Variants in ADAM12 observed in about 807,000 individuals in gnomAD.
ADAM12 encodes ADAM metallopeptidase domain 12.
In ADAM12, 70 loss-of-function variants were observed where a neutral mutation model predicts 106.4. The observed-to-expected ratio is 0.66, with a 90% CI of 0.54 to 0.80. The LOEUF (loss-of-function observed/expected upper bound fraction) is 0.80, where lower values mean the gene tolerates loss of function less well. Ranked by LOEUF, ADAM12 falls within the 30% of genes least tolerant of loss-of-function variation. The pLI is 0.00. For missense variants in ADAM12, 1,010 were observed against 1,171.9 expected (o/e 0.86, Z 2.02); for synonymous variants, 420 against 433.5 (o/e 0.97, Z 0.39).
chr10:126,235,508 C>G (rs1347512203), intron 3 of ADAM12, among the ~76,000 whole-genome samples: 1 of 152,170 alleles, frequency 6.6e-6, no homozygotes, highest in Admixed American at 6.5e-5. Context: ...GGCCTTCTGG[C>G]CTTCCTCGAG....
At position 126,338,246 on chromosome 10, in the gene ADAM12, ATTTTTTTTTTT is replaced by A. The variant is rs200317403; in HGVS notation, c.89-7748_89-7738del. ...AAAGTCACTTACAACAGTAACTTAC[ATTTTTTTTTTT>A]TTTTTTTTTTTTTGAGACGGAGTCT... On this transcript the variant is annotated intron_variant, in intron 1 of 22. Transcript: ENST00000448723. Among the ~76,000 whole-genome samples the A allele has an allele frequency of 2.3e-4, 21 of 89,842 alleles. No individual in the cohort carries two copies. The East Asian group carries it at 6.1e-3, about 26-fold the overall frequency. 58.9% of individuals were successfully genotyped at this position (89,842 alleles called of 152,430 possible). A position where few individuals can be genotyped will look rare whatever the true frequency, so the allele number is the denominator to read the frequency against.
At chr10:126,131,586 A>T (rs1380142143) in intron 5 of ADAM12, among the ~76,000 whole-genome samples, 2 of 152,150 alleles carry the variant, frequency 1.3e-5, no homozygotes, top group Non-Finnish European at 2.9e-5. Context: ...TGCCCTTATA[A>T]GGGACACCAG....
chr10:126,343,952 T>G (rs1436028834), intron 1 of ADAM12, among the ~76,000 whole-genome samples: 1 of 152,220 alleles, frequency 6.6e-6, no homozygotes, highest in Non-Finnish European at 1.5e-5. Flanking sequence ...TTGCAAAAAT[T>G]TTCTCCCATT....
chr10:126,220,699 A>T (rs1326159291), intron 3 of ADAM12, among the ~76,000 whole-genome samples: 3 of 152,234 alleles, frequency 2.0e-5, no homozygotes, highest in Admixed American at 6.5e-5. Context: ...TGGGTTCCAA[A>T]GTTATGAATG....
intron 18 of ADAM12, chr10:126,042,180 G>C (rs762389144): frequency 4.8e-5 from 78 of 1,613,656 alleles, no homozygotes; most frequent in Non-Finnish European, 6.4e-5. Context: ...GCGATCCCAC[G>C]GGCTCCTGGC....
At chr10:126,306,908 C>T (rs1960869475) in intron 2 of ADAM12, among the ~76,000 whole-genome samples, 1 of 152,160 alleles carries the variant, frequency 6.6e-6, no homozygotes, top group South Asian at 2.1e-4. Flanking sequence ...TTAGTCATAA[C>T]TTTTGAAAAA....
intron 2 of ADAM12, among the ~76,000 whole-genome samples, chr10:126,313,916 T>C (rs1961229543): frequency 6.6e-6 from 1 of 151,594 alleles, no homozygotes; most frequent in Admixed American, 6.6e-5. Flanking sequence ...TCTGCTTAAA[T>C]GAGATAATGA....
intron 5 of ADAM12, among the ~76,000 whole-genome samples, chr10:126,133,687 G>A (rs569439399): frequency 1.6e-3 from 236 of 152,244 alleles, no homozygotes; most frequent in African/African-American, 5.5e-3. Context: ...GATCACCTTC[G>A]TGACCCCTGG....
intron 8 of ADAM12, among the ~76,000 whole-genome samples, chr10:126,102,824 T>C (rs1488883494): frequency 6.6e-6 from 1 of 152,178 alleles, no homozygotes; most frequent in Non-Finnish European, 1.5e-5. Context: ...CGAAAGTAAG[T>C]TCCTGGCCGG....
chr10:126,041,675 C>A, intron 18 of ADAM12: 1 of 995,042 alleles, frequency 1.0e-6, no homozygotes, highest in Non-Finnish European at 1.2e-6. Flanking sequence ...ATGCTAAAAG[C>A]CATATCAGAG....
At chr10:126,337,131 C>T (rs945822892) in intron 1 of ADAM12, among the ~76,000 whole-genome samples, 77 of 152,154 alleles carry the variant, frequency 5.1e-4, no homozygotes, top group Non-Finnish European at 9.3e-4. Context: ...CGTCCCAGGA[C>T]AGGCCGTCTG....
chr10:126,100,028 T>C (rs1955631164), intron 9 of ADAM12, among the ~76,000 whole-genome samples: 1 of 152,148 alleles, frequency 6.6e-6, no homozygotes, highest in Admixed American at 6.5e-5. Flanking sequence ...AATTTTTGTG[T>C]TATAATAGAG....
chr10:126,246,640 A>T (rs887774146), intron 3 of ADAM12, among the ~76,000 whole-genome samples: 3 of 152,228 alleles, frequency 2.0e-5, no homozygotes, highest in Non-Finnish European at 4.4e-5. Flanking sequence ...AAACCACATG[A>T]TCATTTCAAA....
At chr10:126,107,312 T>G (rs897944988) in intron 8 of ADAM12, among the ~76,000 whole-genome samples, 5 of 152,094 alleles carry the variant, frequency 3.3e-5, no homozygotes, top group African/African-American at 1.2e-4. Context: ...ATAGCATGGA[T>G]CTAGTTCTTA....
chr10:126,098,322 A>G (rs2133572895), intron 10 of ADAM12, 94 bp downstream of exon 10: 4 of 984,884 alleles, frequency 4.1e-6, no homozygotes, highest in East Asian at 4.8e-5. Flanking sequence ...AAAGCATTAA[A>G]GGAAAGGATC....
intron 3 of ADAM12, among the ~76,000 whole-genome samples, chr10:126,204,945 T>C (rs1957769188): frequency 6.6e-6 from 1 of 152,202 alleles, no homozygotes; most frequent in Non-Finnish European, 1.5e-5. Context: ...AGAACCACGT[T>C]TGCCAAGAGT....
At chr10:126,031,078 G>GA (rs1213213958) in intron 21 of ADAM12, among the ~76,000 whole-genome samples, 1 of 152,186 alleles carries the variant, frequency 6.6e-6, no homozygotes, top group Non-Finnish European at 1.5e-5. Context: ...AGAGGTCCTG[G>GA]AGGGAGGACT....
intron 1 of ADAM12, among the ~76,000 whole-genome samples, chr10:126,355,308 T>A (rs544994910): frequency 1.3e-5 from 2 of 152,194 alleles, no homozygotes; most frequent in Non-Finnish European, 2.9e-5. Context: ...ACAGGCCAAA[T>A]ACATATCTAA....
chr10:126,304,477 A>T lies in ADAM12; in HGVS notation c.187-25489T>A, dbSNP rs186908182. ...CAAAATAAAAGGCAGAGATGGTCAC[A>T]GGCAGTGAAAAAGGAAGACTTAACT... On this transcript the variant is annotated intron_variant, in intron 2 of 22. Transcript: ENST00000448723. Among the ~76,000 whole-genome samples, 220 of 152,278 alleles carry T rather than the reference A, an allele frequency of 1.4e-3. 2 individuals are homozygous for T. The highest frequency in any genetic ancestry group is 2.7e-3 in the Non-Finnish European group (181 of 68,004).
Sources: gnomAD v4.1 joint callset for allele counts (sites outside exome capture counted in the v4.1 genomes callset) on GRCh38, gnomAD v4.1.1 for gene constraint, MANE v1.5 for transcripts, NCBI Gene and HGNC (gene_info 2026-07-23, HGNC 2026-07-21) for gene names.